The following GSTA4 variants were observed in gnomAD, a reference collection of about 807,000 sequenced individuals.
GSTA4 encodes glutathione S-transferase A4.
In GSTA4, 15 loss-of-function variants were observed where a neutral mutation model predicts 24.4. The observed-to-expected ratio is 0.61, with a 90% CI of 0.41 to 0.95. GSTA4 has a LOEUF of 0.95. Among genes scored for constraint, GSTA4 ranks in the 40% least tolerant of loss-of-function variants. The pLI is 0.00. For synonymous variants in GSTA4, 92 were observed against 94.2 expected, an observed-to-expected ratio of 0.98 and a Z score of 0.13; for missense variants, 244 against 262.1, an observed-to-expected ratio of 0.93 and a Z score of 0.48.
At position 52,985,573 on chromosome 6, in the gene GSTA4, C is replaced by A. The variant is rs1763536263; in HGVS notation, c.150G>T (p.Leu50=). 3.1e-6 allele frequency: 5 copies of A among 1,614,086 alleles called. No individual in the cohort carries two copies. The South Asian group carries it at 5.5e-5, about 18-fold the overall frequency. The change falls in exon 4 of 7, where the codon CTG becomes CTT. Residue 50 remains leucine, a synonymous_variant. Coordinates refer to ENST00000370963, the MANE Select transcript of GSTA4 (RefSeq NM_001512.4). ...CAACCATGGGCACTTGTTGGAACAGCAGGTGGTTACCTGAGAATGGAAGCC... is the reference window on the plus strand; with the variant it reads ...CAACCATGGGCACTTGTTGGAACAGAAGGTGGTTACCTGAGAATGGAAGCC... ...QLYKLQDGNH[L]LFQQVPMVEI...
intron 6 of GSTA4, 26 bp from the exon 7 acceptor site, chr6:52,978,618 A>G: frequency 6.3e-7 from 1 of 1,578,946 alleles, no homozygotes; most frequent in Non-Finnish European, 8.6e-7. Flanking sequence ...CAAAACTTTA[A>G]GGCTAACAAA....
intron 6 of GSTA4, among the ~76,000 whole-genome samples, chr6:52,981,311 C>G (rs1763448013): frequency 6.6e-6 from 1 of 152,116 alleles, no homozygotes; most frequent in Non-Finnish European, 1.5e-5. Context: ...GTGTATCTCT[C>G]TTGGCTTTTG....
At chr6:52,988,871 G>T (rs1456556614) in intron 2 of GSTA4, among the ~76,000 whole-genome samples, 1 of 152,160 alleles carries the variant, frequency 6.6e-6, no homozygotes, top group Non-Finnish European at 1.5e-5. Flanking sequence ...TTGCCTTGGT[G>T]TCAGAGGCGT....
At chr6:52,978,833 A>G (rs1763394444) in intron 6 of GSTA4, among the ~76,000 whole-genome samples, 1 of 152,104 alleles carries the variant, frequency 6.6e-6, no homozygotes. Flanking sequence ...ACCTCAAAAT[A>G]TCTCATAATG....
intron 6 of GSTA4, 81 bp from the exon 7 acceptor site, chr6:52,978,673 A>T (rs1368964617): frequency 6.0e-6 from 6 of 1,003,608 alleles, no homozygotes; most frequent in Non-Finnish European, 8.9e-6. Flanking sequence ...AAAATGGCCC[A>T]CCAAAATTTG....
rs192320353 is a variant in GSTA4, at chr6:52,987,519, G to A, written c.88-111C>T. ...CACCAACAGAAACAGAGGTCATTAC[G>A]TTAAGTGAAATAAGCCAGGCACAGA... is the stretch of plus-strand genomic sequence containing the variant. On this transcript the variant is annotated intron_variant, in intron 2 of 6. Transcript: ENST00000370963. The A allele has an allele frequency of 1.6e-4, 104 of 634,578 alleles. No individual in the cohort carries two copies. In the East Asian group the frequency reaches 2.1e-3, roughly 13 times the overall value. 39.3% of individuals were successfully genotyped at this position (634,578 alleles called of 1,614,324 possible).
At position 52,982,687 on chromosome 6, in the gene GSTA4, G is replaced by T. The variant is rs200967794; in HGVS notation, c.433C>A (p.Gln145Lys). The change falls in exon 6 of 7, where the codon CAA becomes AAA. Residue 145 changes from glutamine to lysine, a missense_variant. Transcript: ENST00000370963. The stretch of plus-strand genomic sequence containing the variant: ...AGCTGATTACCAACAAGAAAGCTTT[G>T]TCCGTGACCCCTTAAAATCTGTAGG... ...VFEKILRGHG[Q>K]SFLVGNQLSL... 1.9e-5 allele frequency: 31 copies of T among 1,612,546 alleles called. No individual in the cohort carries two copies. In the Admixed American group the frequency reaches 4.7e-4, roughly 24 times the overall value.
chr6:52,978,557 A>G lies in GSTA4; in HGVS notation c.582T>C (p.Ile194=). The G allele has an allele frequency of 1.2e-6, 2 of 1,611,532 alleles. No homozygotes were observed. The highest frequency in any genetic ancestry group is 1.7e-6 in the Non-Finnish European group (2 of 1,177,888). Residue 194 remains isoleucine (I), a synonymous_variant, in exon 7 of 7, where the codon ATT becomes ATC. Transcript: ENST00000370963. ...TGCTGCCAGGTTCAAGGAATCTCTTAATTGTAGGGATATTACTTAGTTTCA... is the reference window on the plus strand; with the variant it reads ...TGCTGCCAGGTTCAAGGAATCTCTTGATTGTAGGGATATTACTTAGTTTCA... ...YTVKLSNIPT[I]KRFLEPGSKK...
At chr6:52,987,509 A>G in intron 2 of GSTA4, 101 bp from the exon 3 acceptor site, 1 of 672,214 alleles carries the variant, frequency 1.5e-6, no homozygotes, top group South Asian at 1.8e-5. Context: ...ACAGAAACAG[A>G]GGTCATTACG....
rs763390295 is a variant in GSTA4 at position 52,982,671 on chromosome 6, C to T, written c.449G>A (p.Gly150Asp). 1 of 1,612,188 alleles carries T rather than the reference C, an allele frequency of 6.2e-7. No homozygotes were observed. Among genetic ancestry groups the T allele is most frequent in the South Asian group, 1.1e-5 (1 of 90,964 alleles). The stretch of plus-strand genomic sequence containing the variant: ...CACATCTGCAAGGCTCAGCTGATTA[C>T]CAACAAGAAAGCTTTGTCCGTGACC... ...LRGHGQSFLV[G>D]NQLSLADVIL... Residue 150 changes from glycine (G) to aspartate (D), a missense_variant, in exon 6 of 7, where the codon GGT becomes GAT. By Grantham distance (94) the Gly-to-Asp change is moderately conservative (BLOSUM62 -1). Coordinates refer to ENST00000370963, the MANE Select transcript of GSTA4 (RefSeq NM_001512.4).
At chr6:52,990,423 C>T (rs1450733998) in intron 2 of GSTA4, among the ~76,000 whole-genome samples, 2 of 152,164 alleles carry the variant, frequency 1.3e-5, no homozygotes, top group Non-Finnish European at 2.9e-5. Context: ...GAGGGCCCCT[C>T]CCCACCACCT....
At chr6:52,984,692 T>TC in intron 4 of GSTA4, 87 bp from the exon 5 acceptor site, 1 of 1,269,374 alleles carries the variant, frequency 7.9e-7, no homozygotes, top group Non-Finnish European at 1.1e-6. Context: ...GCTTTTTTTT[T>TC]TTTTTTTAAA....
chr6:52,994,160 G>T lies in GSTA4; in HGVS notation c.84C>A (p.Val28=). 2 of 1,601,958 alleles carry T rather than the reference G, an allele frequency of 1.2e-6. No homozygotes were observed. Among genetic ancestry groups the T allele is most frequent in the Non-Finnish European group, 1.7e-6 (2 of 1,168,966 alleles). The change falls in exon 2 of 7, where the codon GTC becomes GTA. Residue 28 remains valine, a synonymous_variant. Transcript: ENST00000370963. ...GAAGAAACAGCATATAAGGTACCTCGACTCCGGCGGCAGCTAAAACCCATC... is the reference window on the plus strand; with the variant it reads ...GAAGAAACAGCATATAAGGTACCTCTACTCCGGCGGCAGCTAAAACCCATC... ...SVRWVLAAAG[V]EFDEEFLETK...
At chr6:52,986,406 T>C (rs1763557378) in intron 3 of GSTA4, among the ~76,000 whole-genome samples, 1 of 152,174 alleles carries the variant, frequency 6.6e-6, no homozygotes, top group Non-Finnish European at 1.5e-5. Context: ...AATCTGATCA[T>C]GAAACCTAAG....
At position 52,982,595 on chromosome 6, in the gene GSTA4, C is replaced by G. The variant is rs780052026; in HGVS notation, c.525G>C (p.Leu175=). The change falls in exon 6 of 7, where the codon CTG becomes CTC. Residue 175 remains leucine (L), a synonymous_variant. Coordinates refer to ENST00000370963, the MANE Select transcript of GSTA4 (RefSeq NM_001512.4). The stretch of plus-strand genomic sequence containing the variant: ...TTACCTGGAGGAAAGGAAATGCAGA[C>G]AGGATATTAGGAATTTTCTCTTCTA... ...LALEEKIPNI[L]SAFPFLQEYT... The G allele has an allele frequency of 1.9e-6, 3 of 1,610,252 alleles. No individual in the cohort carries two copies. The highest frequency in any genetic ancestry group is 1.3e-5 in the African/African-American group (1 of 74,752).
chr6:52,981,820 G>T (rs1047846578), intron 6 of GSTA4, among the ~76,000 whole-genome samples: 1 of 151,492 alleles, frequency 6.6e-6, no homozygotes, highest in Non-Finnish European at 1.5e-5. Flanking sequence ...GTCATTAAAT[G>T]AGTTTTTTTT....
At chr6:52,988,985 A>G (rs1475810466) in intron 2 of GSTA4, among the ~76,000 whole-genome samples, 1 of 152,210 alleles carries the variant, frequency 6.6e-6, no homozygotes, top group Non-Finnish European at 1.5e-5. Flanking sequence ...AAGCCACTGG[A>G]TGAGACAGGA....
At chr6:52,986,936 G>T (rs1763572634) in intron 3 of GSTA4, among the ~76,000 whole-genome samples, 1 of 152,162 alleles carries the variant, frequency 6.6e-6, no homozygotes, top group African/African-American at 2.4e-5. Flanking sequence ...CTTCTGTGTA[G>T]TATTTACTTC....
chr6:52,986,573 T>A (rs1019785701), intron 3 of GSTA4, among the ~76,000 whole-genome samples: 1 of 152,198 alleles, frequency 6.6e-6, no homozygotes, highest in Non-Finnish European at 1.5e-5. Flanking sequence ...ACTTTCCACA[T>A]ACCAAACCCT....
Sources: gnomAD v4.1 joint callset for allele counts (sites outside exome capture counted in the v4.1 genomes callset) on GRCh38, gnomAD v4.1.1 for gene constraint, MANE v1.5 for transcripts, NCBI Gene and HGNC (gene_info 2026-07-23, HGNC 2026-07-21) for gene names.